Variants in PLXNA3 observed in about 807,000 individuals in gnomAD.
PLXNA3 encodes the protein plexin A3.
A neutral mutation model predicts 118.8 loss-of-function variants in PLXNA3; 52 were observed. The ratio of observed to expected loss-of-function variants is 0.44; its 90% confidence interval spans 0.35 to 0.55. PLXNA3 has a LOEUF of 0.55. Among genes scored for constraint, PLXNA3 ranks in the 20% least tolerant of loss-of-function variants. The probability of loss-of-function intolerance (pLI) is 0.01; values close to 1 mark genes in which losing one functional copy is unlikely to be tolerated. For synonymous variants in PLXNA3, 925 were observed against 762.4 expected, an observed-to-expected ratio of 1.21 and a Z score of -3.51; for missense variants, 1,660 against 1,730.8, an observed-to-expected ratio of 0.96 and a Z score of 0.73.
chrX:154,469,767 G>A lies in PLXNA3; in HGVS notation c.4778G>A (p.Arg1593His), dbSNP rs377051860. 3.6e-5 allele frequency: 43 copies of A among 1,206,738 alleles called. No homozygotes were observed. Among genetic ancestry groups the A allele is most frequent in the Non-Finnish European group, 4.4e-5 (39 of 891,541 alleles). ...ATGGCCAACTCCTTCACCTTCACCC[G>A]CTCCCTCAGCCGCTACGGTAGGTGT... ...YNMANSFTFT[R>H]SLSRYESLLR... The change falls in exon 28 of 33, where the codon CGC becomes CAC. Residue 1593 changes from arginine (R) to histidine (H), a missense_variant. Arg to His is a conservative substitution (Grantham distance 29, BLOSUM62 0). Around this residue, in one of 2 missense-constraint regions of PLXNA3, gnomAD observed 869 missense variants for 1,078.7 expected, o/e 0.81. Coordinates refer to ENST00000369682, the MANE Select transcript of PLXNA3 (RefSeq NM_017514.5).
Position 154,469,456 on chromosome X carries a change from A to G in PLXNA3, c.4672A>G (p.Arg1558Gly). 1 of 1,206,730 alleles carries G rather than the reference A, an allele frequency of 8.3e-7. No homozygotes were observed. Among genetic ancestry groups the G allele is most frequent in the Non-Finnish European group, 1.1e-6 (1 of 891,531 alleles). The change falls in exon 27 of 33, where the codon AGG becomes GGG. Residue 1558 changes from arginine to glycine, a missense_variant. By Grantham distance (125) the Arg-to-Gly change is moderately radical (BLOSUM62 -2). Transcript: ENST00000369682. ...VTTKIECDWK[R>G]LNSLAHYQVT... Reference sequence around the variant, plus strand: ...CACCAAGATCGAGTGTGACTGGAAGAGGCTCAACTCACTGGCCCACTACCA... The same window carrying G: ...CACCAAGATCGAGTGTGACTGGAAGGGGCTCAACTCACTGGCCCACTACCA...
Position 154,466,628 on chromosome X carries a change from A to G in PLXNA3, c.2942A>G (p.Asp981Gly), listed in dbSNP as rs782538859. Residue 981 changes from aspartate to glycine, a missense_variant, in exon 17 of 33, where the codon GAT (aspartate) becomes GGT (glycine). Coordinates refer to ENST00000369682, the MANE Select transcript of PLXNA3 (RefSeq NM_017514.5). Reference protein sequence around the residue: ...RDSECQFVRRDAKAIVCISPL... With the variant: ...RDSECQFVRRGAKAIVCISPL... ...CACCCTGCTTGCCAATGTAGGAGAGATGCCAAGGCGATCGTGTGCATCTCA... is the reference window on the plus strand; with the variant it reads ...CACCCTGCTTGCCAATGTAGGAGAGGTGCCAAGGCGATCGTGTGCATCTCA... 9 of 1,200,815 alleles carry G rather than the reference A, an allele frequency of 7.5e-6. No homozygotes were observed. The highest frequency in any genetic ancestry group is 1.0e-5 in the Non-Finnish European group (9 of 890,663).
Position 154,467,240 on chromosome X carries a change from A to G in PLXNA3, c.3210A>G (p.Gln1070=). The G allele has an allele frequency of 8.3e-7, 1 of 1,210,522 alleles. No individual in the cohort carries two copies. Among genetic ancestry groups the G allele is most frequent in the East Asian group, 3.0e-5 (1 of 33,857 alleles). The part of the protein sequence containing the change: ...YRGIETTNTC[Q]VINDTAMLCK... ...CACCTTTGTCCCCACAGACATGCCA[A>G]GTGATCAACGACACTGCCATGCTGT... The change falls in exon 19 of 33, where the codon CAA becomes CAG. Residue 1070 remains glutamine (Q), a synonymous_variant. Coordinates refer to ENST00000369682, the MANE Select transcript of PLXNA3 (RefSeq NM_017514.5).
Position 154,468,512 on chromosome X carries a change from C to T in PLXNA3, c.4173C>T (p.Ile1391=), listed in dbSNP as rs369173697. 58 of 1,209,652 alleles carry T rather than the reference C, an allele frequency of 4.8e-5. 1 individual carries two copies. The highest frequency in any genetic ancestry group is 4.6e-4 in the Middle Eastern group (2 of 4,374). ...TCAAGCAACTGCTGGCCGACCTCATCGAGAAGAACCTCGAGAGCAAGAACC... is the reference window on the plus strand; with the variant it reads ...TCAAGCAACTGCTGGCCGACCTCATTGAGAAGAACCTCGAGAGCAAGAACC... ...GLLKQLLADL[I]EKNLESKNHP... Residue 1391 remains isoleucine, a synonymous_variant, in exon 23 of 33, where the codon ATC becomes ATT. Coordinates refer to ENST00000369682, the MANE Select transcript of PLXNA3 (RefSeq NM_017514.5).
At position 154,461,227 on chromosome X, in the gene PLXNA3, G is replaced by C. The variant is rs1468193275; in HGVS notation, c.723G>C (p.Leu241=). 18 of 1,211,723 alleles carry C rather than the reference G, an allele frequency of 1.5e-5. No individual in the cohort carries two copies. The highest frequency in any genetic ancestry group is 1.8e-5 in the Non-Finnish European group (16 of 895,424). ...CCTCCTTCGTGTACTTCCTGACGCT[G>C]CAGCTGGACACCCAGCAGACGCTGT... The part of the protein sequence containing the change: ...VSASFVYFLT[L]QLDTQQTLLD... Residue 241 remains leucine (L), a synonymous_variant, in exon 3 of 33, where the codon CTG becomes CTC. Transcript: ENST00000369682.
At position 154,468,711 on chromosome X, in the gene PLXNA3, G is replaced by C; in HGVS notation, c.4269G>C (p.Leu1423=). 8.3e-7 allele frequency: 1 copy of C among 1,211,773 alleles called. No individual in the cohort carries two copies. Among genetic ancestry groups the C allele is most frequent in the Non-Finnish European group, 1.1e-6 (1 of 895,564 alleles). ...EKMLTNWFTF[L]LHKFLKECAG... ...TGCTTACCAACTGGTTCACGTTCCT[G>C]CTGCATAAGTTTCTGAAGGTGCGCC... is the stretch of plus-strand genomic sequence containing the variant. The change falls in exon 24 of 33, where the codon CTG becomes CTC. Residue 1423 remains leucine, a synonymous_variant. Coordinates refer to ENST00000369682, the MANE Select transcript of PLXNA3 (RefSeq NM_017514.5).
Position 154,469,720 on chromosome X carries a change from C to G in PLXNA3, c.4731C>G (p.Pro1577=). ...VTDGSLVALV[P]KQVSAYNMAN... is the part of the protein sequence containing the mutation. ...ACGGTTCCTTGGTGGCATTGGTGCC[C>G]AAACAAGTGTCTGCCTATAACATGG... The change falls in exon 28 of 33, where the codon CCC becomes CCG. Residue 1577 remains proline, a synonymous_variant. Coordinates refer to ENST00000369682, the MANE Select transcript of PLXNA3 (RefSeq NM_017514.5). 8.3e-7 allele frequency: 1 copy of G among 1,210,998 alleles called. No individual in the cohort carries two copies. The highest frequency in any genetic ancestry group is 1.1e-6 in the Non-Finnish European group (1 of 894,661).
At chrX:154,458,883 C>G (rs1296299081) in intron 1 of PLXNA3, among the ~76,000 whole-genome samples, 3 of 111,761 alleles carry the variant, frequency 2.7e-5, no homozygotes, top group African/African-American at 9.8e-5. Context: ...AACTGCCTCC[C>G]CAGGTCTCCC....
chrX:154,468,009 A>C lies in PLXNA3; in HGVS notation c.3820+8A>C. ...CCCTGGAGTGCAAGGAAGGTGCCTG[A>C]GGCGGGGCGGGATGTGGTGTGGAAG... On this transcript the variant is annotated splice_region_variant and intron_variant, in intron 21 of 32. Coordinates refer to ENST00000369682, the MANE Select transcript of PLXNA3 (RefSeq NM_017514.5). The C allele has an allele frequency of 1.7e-6, 2 of 1,201,860 alleles. No homozygotes were observed. Among genetic ancestry groups the C allele is most frequent in the Non-Finnish European group, 2.3e-6 (2 of 887,815 alleles).
intron 27 of PLXNA3, 48 bp from the exon 28 acceptor site, chrX:154,469,640 G>T (rs782049769): frequency 8.9e-7 from 1 of 1,126,420 alleles, no homozygotes; most frequent in African/African-American, 1.8e-5. Context: ...GGGGCGCCTT[G>T]GCTTCTCAGC....
chrX:154,459,555 C>T (rs1009198804), intron 1 of PLXNA3, among the ~76,000 whole-genome samples: 10 of 112,447 alleles, frequency 8.9e-5, no homozygotes, highest in Admixed American at 3.7e-4. Flanking sequence ...GAGGGGCAGG[C>T]GCGACTTGGC....
In PLXNA3 at chrX:154,468,927, C is replaced by T. The variant is rs781978597; in HGVS notation, c.4392C>T (p.Ser1464=). Residue 1464 remains serine (S), a synonymous_variant, in exon 25 of 33, where the codon AGC becomes AGT. Coordinates refer to ENST00000369682, the MANE Select transcript of PLXNA3 (RefSeq NM_017514.5). ...AITGEARYSL[S]EDKLIRQQID... is the part of the protein sequence containing the mutation. ...CGGGCGAGGCACGATACTCCCTGAGCGAGGACAAGCTCATCCGTCAGCAGA... is the reference window on the plus strand; with the variant it reads ...CGGGCGAGGCACGATACTCCCTGAGTGAGGACAAGCTCATCCGTCAGCAGA... 8 of 1,210,213 alleles carry T rather than the reference C, an allele frequency of 6.6e-6. No individual in the cohort carries two copies. The highest frequency in any genetic ancestry group is 5.3e-5 in the South Asian group (3 of 56,875).
In PLXNA3 at chrX:154,461,238, C is replaced by G; in HGVS notation, c.734C>G (p.Thr245Ser). ...TACTTCCTGACGCTGCAGCTGGACA[C>G]CCAGCAGACGCTGTTGGACACAGCG... ...FVYFLTLQLD[T>S]QQTLLDTAGE... is the part of the protein sequence containing the mutation. The change falls in exon 3 of 33, where the codon ACC (threonine) becomes AGC (serine). Residue 245 changes from threonine to serine, a missense_variant. Physicochemically the swap from Thr to Ser is moderately conservative, Grantham distance 58. This residue lies in a region of PLXNA3 where 791 missense variants were observed against 652.1 expected (regional missense o/e 1.21). Transcript: ENST00000369682. 4.1e-6 allele frequency: 5 copies of G among 1,212,530 alleles called. No individual in the cohort carries two copies. Among genetic ancestry groups the G allele is most frequent in the Non-Finnish European group, 5.6e-6 (5 of 895,484 alleles).
chrX:154,462,307 G>A lies in PLXNA3; in HGVS notation c.1314G>A (p.Lys438=). ...TTGGCACGCGCAGCGGCAGCTTGAAGAAGGTGGCCCCCAGAGCCCTGGGCA... is the reference window on the plus strand; with the variant it reads ...TTGGCACGCGCAGCGGCAGCTTGAAAAAGGTGGCCCCCAGAGCCCTGGGCA... ...VFIGTRSGSL[K]KVRVDGFQDA... Residue 438 remains lysine (K), a synonymous_variant, in exon 4 of 33, where the codon AAG becomes AAA. Coordinates refer to ENST00000369682, the MANE Select transcript of PLXNA3 (RefSeq NM_017514.5). The A allele has an allele frequency of 1.7e-6, 2 of 1,148,731 alleles. No homozygotes were observed. The highest frequency in any genetic ancestry group is 6.4e-5 in the East Asian group (2 of 31,311). 94.7% of individuals were successfully genotyped at this position (1,148,731 alleles called of 1,213,427 possible). A position where few individuals can be genotyped will look rare whatever the true frequency, so the allele number is the denominator to read the frequency against.
chrX:154,467,416 C>T lies in PLXNA3; in HGVS notation c.3386C>T (p.Pro1129Leu), dbSNP rs782109011. The change falls in exon 19 of 33, where the codon CCG becomes CTG. Residue 1129 changes from proline to leucine, a missense_variant. By Grantham distance (98) the Pro-to-Leu change is moderately conservative (BLOSUM62 -3). Coordinates refer to ENST00000369682, the MANE Select transcript of PLXNA3 (RefSeq NM_017514.5). ...FTYYPDPSFE[P>L]LGPSGVLDVK... ...TACTACCCTGATCCCAGCTTTGAGC[C>T]GCTGGGGCCCTCTGGCGTGCTGGAC... is the stretch of plus-strand genomic sequence containing the variant. 8.4e-6 allele frequency: 10 copies of T among 1,192,205 alleles called. No homozygotes were observed. The highest frequency in any genetic ancestry group is 3.5e-5 in the South Asian group (2 of 56,640).
Position 154,476,556 on chromosome X carries a change from AAG to A in PLXNA3, c.*3876_*3877del, listed in dbSNP as rs781807029. 2 of 111,847 alleles carry A rather than the reference AAG, an allele frequency of 1.8e-5. No individual in the cohort carries two copies. Among genetic ancestry groups the A allele is most frequent in the South Asian group, 3.7e-4 (1 of 2,686 alleles). 9.2% of individuals were successfully genotyped at this position (111,847 alleles called of 1,213,427 possible). A position where few individuals can be genotyped will look rare whatever the true frequency, so the allele number is the denominator to read the frequency against. On this transcript the variant is annotated 3_prime_UTR_variant, in exon 33 of 33. Coordinates refer to ENST00000369682, the MANE Select transcript of PLXNA3 (RefSeq NM_017514.5). ...GAAAGGAAGAAAGGAATGAGAGCAA[AAG>A]AGAGGGAGAGAGGAAAGTGTCATCT...
intron 6 of PLXNA3, 94 bp downstream of exon 6, chrX:154,463,784 C>T: frequency 1.0e-6 from 1 of 968,981 alleles, no homozygotes; most frequent in East Asian, 3.3e-5. Context: ...CCTCCCCCCG[C>T]CCTCCTCCAC....
Position 154,460,279 on chromosome X carries a change from G to A in PLXNA3, c.96G>A (p.Thr32=), listed in dbSNP as rs2068921318. 1.7e-6 allele frequency: 2 copies of A among 1,209,196 alleles called. No individual in the cohort carries two copies. Among genetic ancestry groups the A allele is most frequent in the Non-Finnish European group, 2.2e-6 (2 of 893,674 alleles). ...GTGCCTTCGTGGTGACAGACACCAC[G>A]CTTACCCACCTGGCTGTGCACCGGG... ...PFRAFVVTDT[T]LTHLAVHRVT... The change falls in exon 2 of 33, where the codon ACG becomes ACA. Residue 32 remains threonine, a synonymous_variant. Transcript: ENST00000369682.
At position 154,464,875 on chromosome X, in the gene PLXNA3, C is replaced by T. The variant is rs375016053; in HGVS notation, c.2043+7C>T. On this transcript the variant is annotated splice_region_variant and intron_variant, in intron 10 of 32. Coordinates refer to ENST00000369682, the MANE Select transcript of PLXNA3 (RefSeq NM_017514.5). ...CAGGGTCCACAGCCCTGAGGTGAGGCGGGCGCCGCATGTGAGGGGCTGGGC... is the reference window on the plus strand; with the variant it reads ...CAGGGTCCACAGCCCTGAGGTGAGGTGGGCGCCGCATGTGAGGGGCTGGGC... 2.3e-5 allele frequency: 27 copies of T among 1,156,914 alleles called. No homozygotes were observed. The highest frequency in any genetic ancestry group is 1.7e-4 in the South Asian group (9 of 53,297).
Sources: gnomAD v4.1 joint callset for allele counts (sites outside exome capture counted in the v4.1 genomes callset) on GRCh38, gnomAD v4.1.1 for gene constraint, gnomAD v4.1.1 regional missense constraint, MANE v1.5 for transcripts, NCBI Gene and HGNC (gene_info 2026-07-23, HGNC 2026-07-21) for gene names.